Variants in MED27 observed in about 807,000 individuals in gnomAD.
The protein encoded by MED27 is mediator complex subunit 27.
In MED27, 30 loss-of-function variants were observed where a neutral mutation model predicts 38.2. The ratio of observed to expected loss-of-function variants is 0.79; its 90% CI spans 0.59 to 1.07. The LOEUF (loss-of-function observed/expected upper bound fraction) is 1.07. MED27 is among the 50% of genes least tolerant of loss of function. The pLI is 0.00. For synonymous variants in MED27, 122 were observed against 153.5 expected, an observed-to-expected ratio of 0.79 and a Z score of 1.52; for missense variants, 289 against 397.5, an observed-to-expected ratio of 0.73 and a Z score of 2.32.
At chr9:131,863,846 C>T (rs529897753) in intron 6 of MED27, among the ~76,000 whole-genome samples, 15 of 152,272 alleles carry the variant, frequency 9.9e-5, no homozygotes, top group African/African-American at 2.9e-4. Context: ...CTCCTGACTC[C>T]TCAGGAGAAG....
chr9:132,059,455 C>T (rs927534302), intron 2 of MED27, among the ~76,000 whole-genome samples: 1 of 152,252 alleles, frequency 6.6e-6, no homozygotes, highest in African/African-American at 2.4e-5. Flanking sequence ...TAGTGCCTAG[C>T]TTCTCCTAAG....
chr9:131,983,300 C>T (rs1004767638), intron 3 of MED27, among the ~76,000 whole-genome samples: 1 of 152,198 alleles, frequency 6.6e-6, no homozygotes, highest in East Asian at 1.9e-4. Flanking sequence ...AAAACTTACT[C>T]TTCACATTTC....
At chr9:131,886,566 A>G (rs1839144910) in intron 5 of MED27, among the ~76,000 whole-genome samples, 1 of 152,196 alleles carries the variant, frequency 6.6e-6, no homozygotes, top group African/African-American at 2.4e-5. Context: ...CACTGAAACC[A>G]CTGGATGGAG....
intron 4 of MED27, among the ~76,000 whole-genome samples, chr9:131,910,232 A>G (rs374159874): frequency 1.2e-4 from 18 of 152,290 alleles, no homozygotes; most frequent in South Asian, 4.1e-4. Flanking sequence ...ATTTTATTTT[A>G]TGCCAAGAAT....
chr9:131,965,161 T>C (rs985282245), intron 3 of MED27, among the ~76,000 whole-genome samples: 6 of 152,222 alleles, frequency 3.9e-5, no homozygotes, highest in African/African-American at 7.2e-5. Flanking sequence ...GTTTAAACAA[T>C]TGCTTAAAGT....
At chr9:131,892,516 G>C (rs1839245575) in intron 5 of MED27, among the ~76,000 whole-genome samples, 1 of 152,142 alleles carries the variant, frequency 6.6e-6, no homozygotes, top group African/African-American at 2.4e-5. Context: ...GCACGGTCCT[G>C]ATTATGACTC....
At chr9:131,922,558 A>G (rs1009037626) in intron 4 of MED27, among the ~76,000 whole-genome samples, 1 of 151,612 alleles carries the variant, frequency 6.6e-6, no homozygotes, top group Non-Finnish European at 1.5e-5. Flanking sequence ...CTCCTGCCTC[A>G]GCCTCCTGAG....
chr9:132,053,486 C>T (rs1437860390), intron 2 of MED27, among the ~76,000 whole-genome samples: 1 of 152,130 alleles, frequency 6.6e-6, no homozygotes, highest in Non-Finnish European at 1.5e-5. Flanking sequence ...TATTGAGAGG[C>T]TTACTATGTC....
rs897051371 is a variant in MED27 at position 131,884,058 on chromosome 9, C to T, written c.723G>A (p.Lys241=). 6.2e-7 allele frequency: 1 copy of T among 1,611,574 alleles called. No homozygotes were observed. Among genetic ancestry groups the T allele is most frequent in the African/African-American group, 1.3e-5 (1 of 74,818 alleles). The change falls in exon 6 of 8, where the codon AAG becomes AAA. Residue 241 remains lysine (K), a splice_region_variant and synonymous_variant. Transcript: ENST00000292035. ...GTAAGAAGCAAAAAGTAAAACTTAC[C>T]TTCTGGAATACTTGATAGTTGGATT... ...WSKSNYQVFQ[K]VTDHATTALL...
chr9:132,023,753 G>A (rs1589272449), intron 2 of MED27, among the ~76,000 whole-genome samples: 1 of 152,110 alleles, frequency 6.6e-6, no homozygotes, highest in Non-Finnish European at 1.5e-5. Context: ...GGAAAACAGG[G>A]AGCCATATAA....
chr9:131,904,148 C>G (rs1409211734), intron 4 of MED27, among the ~76,000 whole-genome samples: 1 of 152,156 alleles, frequency 6.6e-6, no homozygotes, highest in Non-Finnish European at 1.5e-5. Context: ...ATCCACTTGT[C>G]TTGGCCTCCC....
At chr9:131,936,132 CAAAA>C (rs748150201) in intron 4 of MED27, among the ~76,000 whole-genome samples, 2 of 84,302 alleles carry the variant, frequency 2.4e-5, no homozygotes, top group Admixed American at 1.4e-4. Flanking sequence ...GACCCTGTCT[CAAAA>C]AAAAAAAAAA....
At chr9:131,928,065 T>A (rs957570044) in intron 4 of MED27, among the ~76,000 whole-genome samples, 2 of 152,146 alleles carry the variant, frequency 1.3e-5, no homozygotes, top group Admixed American at 6.5e-5. Flanking sequence ...CAAAAGCAGA[T>A]GAGATTTAGA....
At chr9:131,925,046 C>G (rs546650113) in intron 4 of MED27, among the ~76,000 whole-genome samples, 26 of 152,146 alleles carry the variant, frequency 1.7e-4, no homozygotes, top group Non-Finnish European at 2.6e-4. Flanking sequence ...TCACTTTCCC[C>G]AGGTTGTGGC....
intron 3 of MED27, among the ~76,000 whole-genome samples, chr9:132,009,728 G>A (rs1377746749): frequency 6.6e-6 from 1 of 152,246 alleles, no homozygotes; most frequent in African/African-American, 2.4e-5. Flanking sequence ...CACAGAAACT[G>A]TGAGAGATAA....
At chr9:132,061,124 A>T (rs767054226) in intron 2 of MED27, among the ~76,000 whole-genome samples, 13 of 152,228 alleles carry the variant, frequency 8.5e-5, no homozygotes, top group Admixed American at 3.3e-4. Context: ...AGGACACTTT[A>T]GGATAGAAAG....
At chr9:132,009,421 T>G (rs1832434250) in intron 3 of MED27, among the ~76,000 whole-genome samples, 1 of 152,210 alleles carries the variant, frequency 6.6e-6, no homozygotes, top group Non-Finnish European at 1.5e-5. Context: ...TGACGCTGTG[T>G]GTCTTCTGAG....
rs200328426 is a variant in MED27 at position 131,980,157 on chromosome 9, TAC to T, written c.479+34178_479+34179del. 4.9e-4 allele frequency among the ~76,000 whole-genome samples: 68 copies of T among 137,390 alleles called. 1 individual carries two copies. The East Asian group carries it at 0.012, about 24-fold the overall frequency. 90.1% of individuals were successfully genotyped at this position (137,390 alleles called of 152,430 possible). Reference sequence around the variant, plus strand: ...ATAGTGCCACATACACATGCACATGTACACACACACGTATGTATAAAAGCTTA... The same window carrying T: ...ATAGTGCCACATACACATGCACATGTACACACACGTATGTATAAAAGCTTA... On this transcript the variant is annotated intron_variant, in intron 3 of 7. Coordinates refer to ENST00000292035, the MANE Select transcript of MED27 (RefSeq NM_004269.4).
chr9:131,994,189 A>G (rs1215173387), intron 3 of MED27, among the ~76,000 whole-genome samples: 1 of 152,214 alleles, frequency 6.6e-6, no homozygotes, highest in Admixed American at 6.5e-5. Context: ...GGGTAAAATT[A>G]GCCTTGTTAT....
Sources: allele counts gnomAD v4.1 joint callset (sites outside exome capture counted in the v4.1 genomes callset), GRCh38; gene constraint gnomAD v4.1.1; transcripts MANE v1.5; gene names NCBI Gene and HGNC (gene_info 2026-07-23, HGNC 2026-07-21).